The following DUSP13B variants were observed in gnomAD, a reference collection of about 807,000 sequenced individuals.
DUSP13B encodes dual specificity protein phosphatase 13B.
the DUSP13B span, chr10:75,103,960 G>A: frequency 8.3e-6 from 11 of 1,328,476 alleles, no homozygotes; most frequent in African/African-American, 1.5e-5. Context: ...TGGAGTAGCA[G>A]GCTCTAGGGC....
At chr10:75,107,933 T>C in the DUSP13B span, 2 of 1,528,584 alleles carry the variant, frequency 1.3e-6, no homozygotes, top group Non-Finnish European at 1.8e-6. Flanking sequence ...TGAGAGGAAA[T>C]GAGGCATCCT....
chr10:75,097,993 G>T, the DUSP13B span: 2 of 994,698 alleles, frequency 2.0e-6, no homozygotes, highest in Non-Finnish European at 2.8e-6. Context: ...GGATGCTGCA[G>T]GAAGGGCTTC....
chr10:75,106,494 C>T, the DUSP13B span, among the ~76,000 whole-genome samples: 1 of 152,298 alleles, frequency 6.6e-6, no homozygotes, highest in Non-Finnish European at 1.5e-5. Flanking sequence ...GCTTTCTTGA[C>T]CGCTCAAAGT....
the DUSP13B span, among the ~76,000 whole-genome samples, chr10:75,096,422 C>T: frequency 6.6e-6 from 1 of 151,974 alleles, no homozygotes; most frequent in South Asian, 2.1e-4. Context: ...ACAAACAATG[C>T]AAAAATTAGC....
At chr10:75,104,340 T>A in the DUSP13B span, among the ~76,000 whole-genome samples, 1 of 152,198 alleles carries the variant, frequency 6.6e-6, no homozygotes, top group Admixed American at 6.5e-5. Context: ...GACCCAGAGC[T>A]GCTCTGTATG....
At chr10:75,102,453 A>G in the DUSP13B span, among the ~76,000 whole-genome samples, 1 of 152,218 alleles carries the variant, frequency 6.6e-6, no homozygotes, top group African/African-American at 2.4e-5. Flanking sequence ...AAAAAGAAAA[A>G]AAGAAAAAAC....
At chr10:75,102,398 G>A in the DUSP13B span, among the ~76,000 whole-genome samples, 2 of 151,794 alleles carry the variant, frequency 1.3e-5, no homozygotes, top group East Asian at 1.9e-4. Flanking sequence ...AGCCGAGATC[G>A]CGCCACTGCA....
chr10:75,103,023 G>A, the DUSP13B span, among the ~76,000 whole-genome samples: 1 of 152,188 alleles, frequency 6.6e-6, no homozygotes. Context: ...TGAGGTGGGA[G>A]AATCACCTGA....
the DUSP13B span, chr10:75,098,992 C>A: frequency 8.1e-7 from 1 of 1,232,140 alleles, no homozygotes; most frequent in South Asian, 4.1e-5. Flanking sequence ...TACTGCTGAG[C>A]CACACACCTG....
At chr10:75,105,741 G>A in the DUSP13B span, 1 of 1,554,494 alleles carries the variant, frequency 6.4e-7, no homozygotes, top group Non-Finnish European at 8.7e-7. Context: ...GGTTGGGGAA[G>A]ACCCATCGGT....
chr10:75,107,904 A>C, the DUSP13B span: 3 of 1,411,652 alleles, frequency 2.1e-6, no homozygotes, highest in South Asian at 1.4e-5. Flanking sequence ...AAAAGCAGGG[A>C]TGGGAGGGCA....
the DUSP13B span, chr10:75,105,833 G>A: frequency 8.9e-5 from 138 of 1,550,686 alleles, 1 homozygote; most frequent in East Asian, 3.2e-3. Context: ...GTGGCAGAGC[G>A]GCTCACGCCC....
At chr10:75,104,149 T>C in the DUSP13B span, 3 of 1,255,276 alleles carry the variant, frequency 2.4e-6, no homozygotes, top group South Asian at 1.3e-5. Context: ...AGGCCCAGGC[T>C]GGCTGGGACT....
chr10:75,097,844 A>T, the DUSP13B span: 1 of 1,612,516 alleles, frequency 6.2e-7, no homozygotes. Context: ...TGCCCCATGG[A>T]TCTTGGGCCT....
At chr10:75,101,766 A>ACC in the DUSP13B span, 27 of 748,172 alleles carry the variant, frequency 3.6e-5, no homozygotes, top group South Asian at 1.1e-4. Context: ...CCCAACCCAA[A>ACC]CCCCACCCCT....
chr10:75,099,997 C>T, the DUSP13B span, among the ~76,000 whole-genome samples: 1 of 152,262 alleles, frequency 6.6e-6, no homozygotes, highest in Middle Eastern at 3.4e-3. Context: ...AGGAGTCCAA[C>T]AGCCACACTG....
chr10:75,095,841 A>C, the DUSP13B span: 2,174 of 1,543,944 alleles, frequency 1.4e-3, no homozygotes, highest in Non-Finnish European at 1.8e-3. Context: ...GGTAGATCTC[A>C]CTGTGGCAGC....
At chr10:75,099,079 T>C in the DUSP13B span, 3 of 1,232,352 alleles carry the variant, frequency 2.4e-6, no homozygotes, top group Non-Finnish European at 3.0e-6. Flanking sequence ...CCGGGTCAGG[T>C]AGCTTGTTTC....
the DUSP13B span, chr10:75,105,581 C>A: frequency 3.7e-6 from 5 of 1,334,972 alleles, no homozygotes; most frequent in South Asian, 6.6e-5. Context: ...CTGGAAGAAT[C>A]CAATCCTATG....
Sources: gnomAD v4.1 joint callset for allele counts (sites outside exome capture counted in the v4.1 genomes callset) on GRCh38, gnomAD v4.1.1 for gene constraint, MANE v1.5 for transcripts, NCBI Gene and HGNC (gene_info 2026-07-23, HGNC 2026-07-21) for gene names.